Variants in IMPG2 observed in about 807,000 individuals in gnomAD.
The protein encoded by IMPG2 is IPM 200.
A neutral mutation model predicts 129.2 loss-of-function variants in IMPG2; 91 were observed. The ratio of observed to expected loss-of-function variants is 0.70; its 90% CI spans 0.59 to 0.84. The LOEUF is 0.84. IMPG2 is among the 40% of genes least tolerant of loss of function. The pLI, the probability that IMPG2 is intolerant of heterozygous loss-of-function variation, is 0.00. For missense variants in IMPG2, 1,430 were observed against 1,461.7 expected, an observed-to-expected ratio of 0.98 and a Z score of 0.35; for synonymous variants, 510 against 517.7, an observed-to-expected ratio of 0.99 and a Z score of 0.20.
rs746457874 is a variant in IMPG2 at position 101,231,157 on chromosome 3, A to G, written c.3234-12T>C. On this transcript the variant is annotated splice_polypyrimidine_tract_variant and intron_variant, in intron 15 of 18. Transcript: ENST00000193391. ...CACCCACCCGGCACCTGCAACCAACAGTCACCAAGTCCGATATCTGAATCA... is the reference window on the plus strand; with the variant it reads ...CACCCACCCGGCACCTGCAACCAACGGTCACCAAGTCCGATATCTGAATCA... 1 of 1,613,548 alleles carries G rather than the reference A, an allele frequency of 6.2e-7. No homozygotes were observed. The highest frequency in any genetic ancestry group is 2.2e-5 in the East Asian group (1 of 44,878).
At chr3:101,254,119 A>G (rs1194667339) in intron 10 of IMPG2, among the ~76,000 whole-genome samples, 1 of 152,110 alleles carries the variant, frequency 6.6e-6, no homozygotes, top group Non-Finnish European at 1.5e-5. Flanking sequence ...TTTAAGTAAA[A>G]AAGTTGTACT....
chr3:101,244,641 A>G lies in IMPG2; in HGVS notation c.1690T>C (p.Ser564Pro). Residue 564 changes from serine to proline, a missense_variant, in exon 13 of 19, where the codon TCT becomes CCT. Physicochemically the swap from Ser to Pro is moderately conservative, Grantham distance 74. Coordinates refer to ENST00000193391, the MANE Select transcript of IMPG2 (RefSeq NM_016247.4). Reference sequence around the variant, plus strand: ...AAGGAGTCCAAGCCAAAAGGTATAGAAGAGGTCAGATATGGTGAAGATGTT... The same window carrying G: ...AAGGAGTCCAAGCCAAAAGGTATAGGAGAGGTCAGATATGGTGAAGATGTT... The part of the protein sequence containing the change: ...SLTSSPYLTS[S>P]IPFGLDSLTS... 6.2e-7 allele frequency: 1 copy of G among 1,613,066 alleles called. No individual in the cohort carries two copies. The highest frequency in any genetic ancestry group is 8.5e-7 in the Non-Finnish European group (1 of 1,179,538).
chr3:101,240,876 G>A (rs993970948), intron 14 of IMPG2, among the ~76,000 whole-genome samples: 1 of 152,184 alleles, frequency 6.6e-6, no homozygotes, highest in African/African-American at 2.4e-5. Context: ...ACCAGTTTGA[G>A]ATTCAAAGGC....
chr3:101,273,570 T>C lies in IMPG2; in HGVS notation c.828+11A>G. On this transcript the variant is annotated intron_variant, in intron 7 of 18. Coordinates refer to ENST00000193391, the MANE Select transcript of IMPG2 (RefSeq NM_016247.4). ...CATACTGCCTTGTTTGTTTTTTTTT[T>C]AATCACCCACCTCTGAAATAAATTC... The C allele has an allele frequency of 1.2e-6, 2 of 1,613,568 alleles. No individual in the cohort carries two copies. The highest frequency in any genetic ancestry group is 1.7e-6 in the Non-Finnish European group (2 of 1,179,654).
At chr3:101,241,845 T>C (rs1181055336) in intron 14 of IMPG2, among the ~76,000 whole-genome samples, 1 of 151,914 alleles carries the variant, frequency 6.6e-6, no homozygotes, top group Non-Finnish European at 1.5e-5. Context: ...CTAGCCAACA[T>C]GGAGAAACTC....
At chr3:101,241,419 G>A (rs1236389110) in intron 14 of IMPG2, among the ~76,000 whole-genome samples, 5 of 152,174 alleles carry the variant, frequency 3.3e-5, no homozygotes, top group African/African-American at 4.8e-5. Context: ...AAAACAAGCT[G>A]GTTTGACTAG....
At chr3:101,307,376 C>A (rs1280387379) in intron 2 of IMPG2, among the ~76,000 whole-genome samples, 1 of 152,144 alleles carries the variant, frequency 6.6e-6, no homozygotes, top group African/African-American at 2.4e-5. Context: ...TCTCATGCTG[C>A]TATGAAGAAA....
chr3:101,307,390 C>T (rs1203761928), intron 2 of IMPG2, among the ~76,000 whole-genome samples: 1 of 152,086 alleles, frequency 6.6e-6, no homozygotes, highest in Admixed American at 6.5e-5. Context: ...GAAGAAATGC[C>T]CAAGACTGGG....
chr3:101,320,316 C>G lies in IMPG2; in HGVS notation c.57G>C (p.Leu19=), dbSNP rs188916371. The part of the protein sequence containing the change: ...KISLGILIFV[L]IEGDFPSLTA... ...TTAATGATGGAAAGTCTCCTTCTAT[C>G]AGGACAAATATCAAAATACCCAGAG... The change falls in exon 1 of 19, where the codon CTG becomes CTC. Residue 19 remains leucine, a synonymous_variant. Transcript: ENST00000193391. 453 of 1,604,376 alleles carry G rather than the reference C, an allele frequency of 2.8e-4. 3 individuals carry two copies. The highest frequency in any genetic ancestry group is 2.2e-3 in the South Asian group (203 of 90,848).
At chr3:101,247,962 A>T (rs751511526) in intron 11 of IMPG2, among the ~76,000 whole-genome samples, 5 of 152,192 alleles carry the variant, frequency 3.3e-5, no homozygotes, top group Admixed American at 6.5e-5. Flanking sequence ...CTCCTCCAGG[A>T]GACTTCTATC....
At chr3:101,298,239 T>C (rs1326135189) in intron 3 of IMPG2, among the ~76,000 whole-genome samples, 2 of 152,192 alleles carry the variant, frequency 1.3e-5, no homozygotes, top group Non-Finnish European at 2.9e-5. Flanking sequence ...TTTTTTTTCT[T>C]TCCATTTGCT....
chr3:101,236,588 G>A (rs1191638992), intron 14 of IMPG2, among the ~76,000 whole-genome samples: 2 of 152,184 alleles, frequency 1.3e-5, no homozygotes, highest in African/African-American at 2.4e-5. Context: ...TCACCCGGAA[G>A]TGCAAGGGGT....
Position 101,243,585 on chromosome 3 carries a change from G to C in IMPG2, c.2746C>G (p.Leu916Val). 1 of 1,613,834 alleles carries C rather than the reference G, an allele frequency of 6.2e-7. No individual in the cohort carries two copies. Residue 916 changes from leucine (L) to valine (V), a missense_variant, in exon 13 of 19, where the codon CTG (leucine) becomes GTG (valine). By Grantham distance (32) the Leu-to-Val change is conservative. Coordinates refer to ENST00000193391, the MANE Select transcript of IMPG2 (RefSeq NM_016247.4). ...TACTCCAAGGAGTTTTTATTAAACA[G>C]ATCTTCTGAAAACATCATGTTAGTC... ...RVTNMMFSED[L>V]FNKNSLEYKA...
intron 11 of IMPG2, among the ~76,000 whole-genome samples, chr3:101,246,810 T>C (rs112107310): frequency 7.4e-4 from 112 of 152,290 alleles, no homozygotes; most frequent in African/African-American, 2.5e-3. Context: ...TCTATGTAAA[T>C]GTACAATGAT....
chr3:101,250,933 T>C (rs1706536911), intron 11 of IMPG2, among the ~76,000 whole-genome samples: 1 of 152,212 alleles, frequency 6.6e-6, no homozygotes, highest in African/African-American at 2.4e-5. Context: ...ATTTGCTCAA[T>C]ACCAAGTTCT....
At chr3:101,302,591 T>C (rs1462086609) in intron 3 of IMPG2, among the ~76,000 whole-genome samples, 1 of 152,220 alleles carries the variant, frequency 6.6e-6, no homozygotes, top group African/African-American at 2.4e-5. Context: ...TTAATAATTA[T>C]ATGTCCATAT....
chr3:101,261,267 A>C (rs958388110), intron 9 of IMPG2, among the ~76,000 whole-genome samples: 2 of 152,166 alleles, frequency 1.3e-5, no homozygotes, highest in Non-Finnish European at 2.9e-5. Flanking sequence ...AGATAAAAAA[A>C]CTTTAAGAAA....
At chr3:101,250,855 A>C (rs2107227022) in intron 11 of IMPG2, among the ~76,000 whole-genome samples, 3 of 152,248 alleles carry the variant, frequency 2.0e-5, no homozygotes, top group Non-Finnish European at 1.5e-5. Flanking sequence ...CATAGAAAAA[A>C]CTTTCCAGCC....
chr3:101,299,679 T>C (rs570202171), intron 3 of IMPG2, among the ~76,000 whole-genome samples: 44 of 152,280 alleles, frequency 2.9e-4, no homozygotes, highest in Admixed American at 1.0e-3. Flanking sequence ...TGCAGTTTGC[T>C]AGGGGTTCAC....
Sources: gnomAD v4.1 joint callset for allele counts (sites outside exome capture counted in the v4.1 genomes callset) on GRCh38, gnomAD v4.1.1 for gene constraint, MANE v1.5 for transcripts, NCBI Gene and HGNC (gene_info 2026-07-23, HGNC 2026-07-21) for gene names.